PLA2G4D: variants seen among roughly 807,000 people sequenced by gnomAD.
The protein encoded by PLA2G4D is phospholipase A2 group IVD, also known as cytosolic phospholipase A2 delta.
PLA2G4D carries 80 observed loss-of-function variants against 94.4 expected under a neutral mutation model. The observed-to-expected ratio is 0.85, with a 90% CI of 0.71 to 1.02. The LOEUF (loss-of-function observed/expected upper bound fraction) is 1.02, where lower values mean the gene tolerates loss of function less well. PLA2G4D is among the 50% of genes least tolerant of loss of function. PLA2G4D has a pLI of 0.00. For missense variants in PLA2G4D, 1,050 were observed against 1,034.7 expected, an observed-to-expected ratio of 1.01 and a Z score of -0.20; for synonymous variants, 438 against 440.9, an observed-to-expected ratio of 0.99 and a Z score of 0.08.
chr15:42,081,885 C>T, intron 9 of PLA2G4D, 51 bp from the exon 10 acceptor site: 1 of 1,597,788 alleles, frequency 6.3e-7, no homozygotes, highest in Non-Finnish European at 8.6e-7. Flanking sequence ...CCCTAAGCGG[C>T]ACATGGGTAT....
rs1010212358 is a variant in PLA2G4D, at chr15:42,068,369, C to T, written c.*346G>A. 6 of 259,942 alleles carry T rather than the reference C, an allele frequency of 2.3e-5. No individual in the cohort carries two copies. The highest frequency in any genetic ancestry group is 1.1e-4 in the African/African-American group (5 of 44,800). 16.1% of individuals were successfully genotyped at this position (259,942 alleles called of 1,614,324 possible). A position where few individuals can be genotyped will look rare whatever the true frequency, so the allele number is the denominator to read the frequency against. Reference sequence around the variant, plus strand: ...GCCTGAAGCCACCTGTCAGGTCAGGCATCCCCTGTCCTTCCTGTCCCTACT... The same window carrying T: ...GCCTGAAGCCACCTGTCAGGTCAGGTATCCCCTGTCCTTCCTGTCCCTACT... On this transcript the variant is annotated 3_prime_UTR_variant, in exon 20 of 20. Coordinates refer to ENST00000290472, the MANE Select transcript of PLA2G4D (RefSeq NM_178034.4).
chr15:42,077,509 C>T lies in PLA2G4D; in HGVS notation c.1317+2028G>A, dbSNP rs181640337. On this transcript the variant is annotated intron_variant, in intron 13 of 19. Transcript: ENST00000290472. ...GCCCTGGTTACATAATCAAAAATGCCTTCCCAAGTCTCACCTCATTCTTAC... is the reference window on the plus strand; with the variant it reads ...GCCCTGGTTACATAATCAAAAATGCTTTCCCAAGTCTCACCTCATTCTTAC... Among the ~76,000 whole-genome samples the T allele has an allele frequency of 1.5e-3, 235 of 152,356 alleles. 2 individuals carry two copies. Among genetic ancestry groups the T allele is most frequent in the African/African-American group, 5.4e-3 (225 of 41,584 alleles).
chr15:42,089,158 T>G (rs1030161017), intron 1 of PLA2G4D, among the ~76,000 whole-genome samples: 1 of 152,174 alleles, frequency 6.6e-6, no homozygotes. Context: ...ATCGCATAGC[T>G]GGGAGACTGT....
In PLA2G4D at chr15:42,084,209, T is replaced by C. The variant is rs1890097595; in HGVS notation, c.472-430A>G. Among the ~76,000 whole-genome samples the C allele has an allele frequency of 6.6e-6, 1 of 152,096 alleles. No homozygotes were observed. Among genetic ancestry groups the C allele is most frequent in the African/African-American group, 2.4e-5 (1 of 41,414 alleles). Reference sequence around the variant, plus strand: ...CCCTCAGAACGTCTCCTGGCTGTCCTCTGTGGCCTAACTGGGGGACAATGA... The same window carrying C: ...CCCTCAGAACGTCTCCTGGCTGTCCCCTGTGGCCTAACTGGGGGACAATGA... On this transcript the variant is annotated intron_variant, in intron 6 of 19. Coordinates refer to ENST00000290472, the MANE Select transcript of PLA2G4D (RefSeq NM_178034.4). This position sits in a 1 kb window ranked among gnomAD's most constrained non-coding sequence, Gnocchi z 4.8.
Position 42,070,944 on chromosome 15 carries a change from T to G in PLA2G4D, c.1877-61A>C, listed in dbSNP as rs984315741. On this transcript the variant is annotated intron_variant, in intron 17 of 19. Coordinates refer to ENST00000290472, the MANE Select transcript of PLA2G4D (RefSeq NM_178034.4). ...CCTGCCACAGGTCATCCATGTCCCCTTCTCTCCTCTGGGTCACTCCTTAAA... is the reference window on the plus strand; with the variant it reads ...CCTGCCACAGGTCATCCATGTCCCCGTCTCTCCTCTGGGTCACTCCTTAAA... The G allele has an allele frequency of 2.0e-5, 32 of 1,565,938 alleles. No individual in the cohort carries two copies. In the African/African-American group the frequency reaches 2.2e-4, roughly 11 times the overall value.
At chr15:42,083,053 G>A in intron 8 of PLA2G4D, 145 bp downstream of exon 8, 1 of 1,102,278 alleles carries the variant, frequency 9.1e-7, no homozygotes, top group Non-Finnish European at 1.3e-6. Context: ...CTCTGTGTCT[G>A]CCAAGAGTGA....
At chr15:42,080,691 G>A (rs868214425) in intron 12 of PLA2G4D, among the ~76,000 whole-genome samples, 1 of 152,200 alleles carries the variant, frequency 6.6e-6, no homozygotes, top group African/African-American at 2.4e-5. Context: ...GAGAATCAGA[G>A]GAGATAAGTT....
intron 10 of PLA2G4D, 70 bp downstream of exon 10, chr15:42,081,727 C>A: frequency 1.2e-6 from 2 of 1,613,286 alleles, no homozygotes. Context: ...TCAAGGACCA[C>A]CTTTGTCCAT....
chr15:42,086,092 A>C, intron 4 of PLA2G4D, 121 bp downstream of exon 4: 2 of 1,109,882 alleles, frequency 1.8e-6, no homozygotes, highest in Non-Finnish European at 2.5e-6. Context: ...AAAGGGGTTT[A>C]GATTTTTCTG....
At chr15:42,092,031 G>A (rs139661283) in intron 1 of PLA2G4D, among the ~76,000 whole-genome samples, 1,807 of 152,288 alleles carry the variant, frequency 0.012, 18 homozygotes, top group Middle Eastern at 0.024. Context: ...CGCATTGGTG[G>A]CAGTGGTCCC....
rs192002263 is a variant in PLA2G4D at position 42,081,471 on chromosome 15, C to T, written c.957+8G>A. On this transcript the variant is annotated splice_region_variant and intron_variant, in intron 11 of 19. Coordinates refer to ENST00000290472, the MANE Select transcript of PLA2G4D (RefSeq NM_178034.4). ...TATCTGCACACACATCCCTCTGCAC[C>T]CCCAGACCTCATCCTCCTGCAGGTC... is the stretch of plus-strand genomic sequence containing the variant. 338 of 1,612,874 alleles carry T rather than the reference C, an allele frequency of 2.1e-4. 4 individuals are homozygous for T. In the Middle Eastern group the frequency reaches 5.9e-3, roughly 28 times the overall value.
At chr15:42,081,329 G>A in intron 11 of PLA2G4D, 150 bp downstream of exon 11, 1 of 1,434,556 alleles carries the variant, frequency 7.0e-7, no homozygotes, top group Non-Finnish European at 9.4e-7. Context: ...TCCCAAGGGA[G>A]TTAGAACCAC....
chr15:42,086,194 T>TGGGGGGGGGGGGGGGGGGGGGG lies in PLA2G4D; in HGVS notation c.387+18_387+19insCCCCCCCCCCCCCCCCCCCCCC. The TGGGGGGGGGGGGGGGGGGGGGG allele has an allele frequency of 2.9e-6, 4 of 1,370,434 alleles. No homozygotes were observed. Among genetic ancestry groups the TGGGGGGGGGGGGGGGGGGGGGG allele is most frequent in the Non-Finnish European group, 9.6e-7 (1 of 1,043,076 alleles). The allele number at this position is 1,370,434 out of a possible 1,614,324, so 84.9% of individuals were successfully genotyped here. ...GGAAGAAGTGGGGCCCACGGGGACT[T>TGGGGGGGGGGGGGGGGGGGGGG]CCCCACCCACCCACCCACCTGGGGA... On this transcript the variant is annotated intron_variant, in intron 4 of 19. Transcript: ENST00000290472.
chr15:42,069,110 G>A (rs1469985852), intron 19 of PLA2G4D, among the ~76,000 whole-genome samples, 169 bp from the exon 20 acceptor site: 1 of 152,220 alleles, frequency 6.6e-6, no homozygotes, highest in Admixed American at 6.5e-5. Flanking sequence ...TCTTTGGATG[G>A]GTACTATTTG....
rs527420617 is a variant in PLA2G4D at position 42,086,258 on chromosome 15, G to A, written c.342C>T (p.Val114=). ...CFKVLYDISE[V]LPGKLLRKTF... is the part of the protein sequence containing the mutation. ...TTTTCCGGAGCAGCTTGCCAGGGAGGACTTCTGAGATGTCATAGAGAACCT... is the reference window on the plus strand; with the variant it reads ...TTTTCCGGAGCAGCTTGCCAGGGAGAACTTCTGAGATGTCATAGAGAACCT... Residue 114 remains valine, a synonymous_variant, in exon 4 of 20, where the codon GTC becomes GTT. Transcript: ENST00000290472. The A allele has an allele frequency of 8.2e-4, 1,312 of 1,608,256 alleles. 21 individuals carry two copies. The South Asian group carries it at 0.013, about 16-fold the overall frequency.
intron 13 of PLA2G4D, among the ~76,000 whole-genome samples, chr15:42,074,228 G>A (rs1889879020): frequency 6.6e-6 from 1 of 152,074 alleles, no homozygotes; most frequent in South Asian, 2.1e-4. Flanking sequence ...ATATCTAATG[G>A]CTCACCAGTA....
intron 14 of PLA2G4D, 83 bp from the exon 15 acceptor site, chr15:42,071,994 G>T: frequency 6.6e-7 from 1 of 1,516,148 alleles, no homozygotes; most frequent in Non-Finnish European, 9.0e-7. Flanking sequence ...CACTGCCCCT[G>T]CCCCCAGCAG....
chr15:42,083,481 C>T (rs923697006), intron 7 of PLA2G4D, 147 bp from the exon 8 acceptor site: 5 of 1,277,292 alleles, frequency 3.9e-6, no homozygotes, highest in Admixed American at 2.5e-5. Context: ...CCCTTCCCAG[C>T]CCAAGGGGCC....
At chr15:42,071,348 T>C (rs1318631364) in intron 16 of PLA2G4D, 31 bp from the exon 17 acceptor site, 1 of 1,572,874 alleles carries the variant, frequency 6.4e-7, no homozygotes, top group Admixed American at 1.9e-5. Context: ...ATTGGTCCCT[T>C]CTTCCCCTTA....
Sources: allele counts gnomAD v4.1 joint callset (sites outside exome capture counted in the v4.1 genomes callset), GRCh38; gene constraint gnomAD v4.1.1; non-coding constraint Gnocchi (gnomAD v3.1); transcripts MANE v1.5; gene names NCBI Gene and HGNC (gene_info 2026-07-23, HGNC 2026-07-21).